LRP1B: variants seen among roughly 807,000 people sequenced by gnomAD.
LRP1B encodes low-density lipoprotein receptor-related protein 1B.
In LRP1B, 217 loss-of-function variants were observed where a neutral mutation model predicts 556.6. That is an observed-to-expected ratio of 0.39 (90% confidence interval 0.35 to 0.44). The LOEUF is 0.44. LRP1B is among the 20% of genes least tolerant of loss of function. The pLI is 1.00. For missense variants in LRP1B, 5,053 were observed against 5,620.8 expected (o/e 0.90, Z 3.23); for synonymous variants, 2,047 against 1,865.8 (o/e 1.10, Z -2.50).
At chr2:141,379,519 G>A (rs1689561840) in intron 3 of LRP1B, among the ~76,000 whole-genome samples, 1 of 152,082 alleles carries the variant, frequency 6.6e-6, no homozygotes, top group South Asian at 2.1e-4. Context: ...TGCACAACAG[G>A]CAACTGAGAA....
At chr2:140,416,965 C>T (rs942378345) in intron 66 of LRP1B, among the ~76,000 whole-genome samples, 3 of 152,138 alleles carry the variant, frequency 2.0e-5, no homozygotes, top group Non-Finnish European at 4.4e-5. Flanking sequence ...AATGATGAGA[C>T]AGCAGAAGAC....
chr2:141,239,519 A>G (rs1033166242), intron 5 of LRP1B, among the ~76,000 whole-genome samples: 2 of 152,090 alleles, frequency 1.3e-5, no homozygotes, highest in African/African-American at 4.8e-5. Flanking sequence ...AGAAAATACC[A>G]GTGATTAAAG....
intron 3 of LRP1B, among the ~76,000 whole-genome samples, chr2:141,286,074 A>G (rs1214824402): frequency 2.7e-5 from 4 of 150,554 alleles, no homozygotes; most frequent in Non-Finnish European, 5.9e-5. Context: ...CTCAAAAAAA[A>G]AAAAAAAAAA....
At chr2:140,609,474 T>C (rs1245550172) in intron 41 of LRP1B, among the ~76,000 whole-genome samples, 2 of 152,096 alleles carry the variant, frequency 1.3e-5, no homozygotes, top group East Asian at 3.9e-4. Flanking sequence ...CATACGTACG[T>C]CCAACCATGA....
chr2:140,901,978 T>C (rs958750903), intron 23 of LRP1B, among the ~76,000 whole-genome samples: 1 of 152,100 alleles, frequency 6.6e-6, no homozygotes. Flanking sequence ...AGCCTGAACA[T>C]GTGATATTTT....
chr2:141,625,693 A>G (rs1169578949), intron 2 of LRP1B, among the ~76,000 whole-genome samples: 1 of 152,160 alleles, frequency 6.6e-6, no homozygotes, highest in Non-Finnish European at 1.5e-5. Context: ...GTGATGTTAG[A>G]TATTTTAAAC....
intron 84 of LRP1B, among the ~76,000 whole-genome samples, chr2:140,288,107 C>T (rs1441226040): frequency 6.7e-6 from 1 of 148,884 alleles, no homozygotes; most frequent in African/African-American, 2.5e-5. Flanking sequence ...TTTCTCTCAT[C>T]TTTATACCCT....
At position 140,258,723 on chromosome 2, in the gene LRP1B, C is replaced by T. The variant is rs148418099; in HGVS notation, c.13247+11519G>A. 2.5e-3 allele frequency among the ~76,000 whole-genome samples: 384 copies of T among 151,988 alleles called. 2 individuals are homozygous for T. The highest frequency in any genetic ancestry group is 8.7e-3 in the African/African-American group (362 of 41,458). On this transcript the variant is annotated intron_variant, in intron 86 of 90. Coordinates refer to ENST00000389484, the MANE Select transcript of LRP1B (RefSeq NM_018557.3). ...AGAGACAGATGTCATTAGCAATTTC[C>T]GTATTAAGATGAGAAAAGAGGTTCA...
chr2:141,401,586 T>C (rs1690455444), intron 3 of LRP1B, among the ~76,000 whole-genome samples: 1 of 152,184 alleles, frequency 6.6e-6, no homozygotes, highest in Admixed American at 6.5e-5. Context: ...CATCACCAGA[T>C]CATATTCCAC....
intron 41 of LRP1B, among the ~76,000 whole-genome samples, chr2:140,623,956 G>GTGTGTATATA (rs1339496296): frequency 6.6e-5 from 7 of 106,436 alleles, no homozygotes; most frequent in Non-Finnish European, 1.3e-4. Context: ...TTTTATTTAT[G>GTGTGTATATA]TATATATATA....
chr2:141,825,348 C>T (rs1014240925), intron 1 of LRP1B, among the ~76,000 whole-genome samples: 1 of 152,104 alleles, frequency 6.6e-6, no homozygotes, highest in Non-Finnish European at 1.5e-5. Flanking sequence ...GAGGCCCACC[C>T]TTTATGATTT....
Position 141,705,760 on chromosome 2 carries a change from G to A in LRP1B, c.205+104519C>T, listed in dbSNP as rs150985548. ...GCTAGTATTCCAATGATACTGGTAG[G>A]TAGGGGAGCAAGTATTGAAATGCAG... On this transcript the variant is annotated intron_variant, in intron 2 of 90. Transcript: ENST00000389484. Among the ~76,000 whole-genome samples, 690 of 152,072 alleles carry A rather than the reference G, an allele frequency of 4.5e-3. 1 individual carries two copies. Among genetic ancestry groups the A allele is most frequent in the Non-Finnish European group, 7.7e-3 (524 of 67,938 alleles).
At position 140,850,220 on chromosome 2, in the gene LRP1B, G is replaced by A. The variant is rs372242789; in HGVS notation, c.4821C>T (p.Asp1607=). The part of the protein sequence containing the change: ...ITAFTVPDID[D]VTVIDFDASE... ...ATGCATCGAAGTCTATCACAGTAACGTCATCAATATCAGGGACTGTAAATG... is the reference window on the plus strand; with the variant it reads ...ATGCATCGAAGTCTATCACAGTAACATCATCAATATCAGGGACTGTAAATG... The change falls in exon 29 of 91, where the codon GAC becomes GAT. Residue 1607 remains aspartate (D), a synonymous_variant. Coordinates refer to ENST00000389484, the MANE Select transcript of LRP1B (RefSeq NM_018557.3). 24 of 1,612,240 alleles carry A rather than the reference G, an allele frequency of 1.5e-5. No individual in the cohort carries two copies. The African/African-American group carries it at 2.8e-4, about 19-fold the overall frequency.
rs1471099915 is a variant in LRP1B, at chr2:140,637,645, G to A, written c.6800-36006C>T. 2.6e-5 allele frequency among the ~76,000 whole-genome samples: 4 copies of A among 151,960 alleles called. No homozygotes were observed. The East Asian group carries it at 5.8e-4, about 22-fold the overall frequency. The stretch of plus-strand genomic sequence containing the variant: ...GCTTGGGCAGTTTAGTGTGGAATCC[G>A]TGCCAGGTGCCACTGTTGTAGTCCA... On this transcript the variant is annotated intron_variant, in intron 41 of 90. Coordinates refer to ENST00000389484, the MANE Select transcript of LRP1B (RefSeq NM_018557.3).
intron 1 of LRP1B, among the ~76,000 whole-genome samples, chr2:141,899,528 AG>A (rs2104930781): frequency 6.6e-6 from 1 of 152,188 alleles, no homozygotes; most frequent in African/African-American, 2.4e-5. Context: ...TCTGGGATTC[AG>A]GTGAGAGCTA....
intron 88 of LRP1B, among the ~76,000 whole-genome samples, 168 bp from the exon 89 acceptor site, chr2:140,238,464 A>G (rs1214000774): frequency 6.6e-6 from 1 of 151,000 alleles, no homozygotes; most frequent in Non-Finnish European, 1.5e-5. Context: ...CTGTTTTCCC[A>G]GTTGTTTTGA....
chr2:141,331,342 G>A (rs1687637250), intron 3 of LRP1B, among the ~76,000 whole-genome samples: 1 of 152,160 alleles, frequency 6.6e-6, no homozygotes, highest in Non-Finnish European at 1.5e-5. Flanking sequence ...ACAGGAGACA[G>A]CATGAGCTTC....
chr2:140,834,640 G>A (rs186018878), intron 31 of LRP1B, among the ~76,000 whole-genome samples: 2 of 152,336 alleles, frequency 1.3e-5, no homozygotes, highest in African/African-American at 4.8e-5. Context: ...AAGAAAGTCA[G>A]CTGTGTCTAA....
chr2:140,876,133 T>C lies in LRP1B; in HGVS notation c.4169+7684A>G, dbSNP rs369240646. On this transcript the variant is annotated intron_variant, in intron 25 of 90. Transcript: ENST00000389484. ...AGAACTCATGGAGAGCTGAAATGTTTATGAGTATCAAGCAGAACAGAAATT... is the reference window on the plus strand; with the variant it reads ...AGAACTCATGGAGAGCTGAAATGTTCATGAGTATCAAGCAGAACAGAAATT... Among the ~76,000 whole-genome samples, 7 of 152,268 alleles carry C rather than the reference T, an allele frequency of 4.6e-5. No homozygotes were observed. In the South Asian group the frequency reaches 6.2e-4, roughly 14 times the overall value.
Sources: gnomAD v4.1 joint callset for allele counts (sites outside exome capture counted in the v4.1 genomes callset) on GRCh38, gnomAD v4.1.1 for gene constraint, MANE v1.5 for transcripts, NCBI Gene and HGNC (gene_info 2026-07-23, HGNC 2026-07-21) for gene names.